Variants in STK38 observed in about 807,000 individuals in gnomAD.
STK38 encodes serine/threonine kinase 38, also known as serine/threonine-protein kinase 38.
Under a neutral mutation model 59.0 loss-of-function variants are expected in STK38, and 26 were observed. The observed-to-expected ratio is 0.44, with a 90% CI of 0.32 to 0.61. STK38 has a LOEUF of 0.61. STK38 is among the 20% of genes least tolerant of loss of function. The pLI is 0.04. For synonymous variants in STK38, 175 were observed against 176.6 expected (o/e 0.99, Z 0.07); for missense variants, 433 against 566.0 (o/e 0.76, Z 2.38).
Position 36,495,699 on chromosome 6 carries a change from C to T in STK38, c.*85G>A. The T allele has an allele frequency of 1.3e-6, 2 of 1,569,036 alleles. No individual in the cohort carries two copies. Among genetic ancestry groups the T allele is most frequent in the Non-Finnish European group, 1.7e-6 (2 of 1,151,170 alleles). Reference sequence around the variant, plus strand: ...ACATATTGGTGGGTTCCATCAACTTCTTGGAAGCTCTTCAAGAGTGTGAGA... The same window carrying T: ...ACATATTGGTGGGTTCCATCAACTTTTTGGAAGCTCTTCAAGAGTGTGAGA... On this transcript the variant is annotated 3_prime_UTR_variant, in exon 14 of 14. Transcript: ENST00000229812.
chr6:36,500,758 CAA>C (rs753008721), intron 9 of STK38, among the ~76,000 whole-genome samples: 618 of 58,416 alleles, frequency 0.011, 6 homozygotes, highest in African/African-American at 0.037. Flanking sequence ...GACTCTGTCT[CAA>C]AAAAAAAAAA....
chr6:36,542,677 G>T (rs1389832716), intron 1 of STK38, among the ~76,000 whole-genome samples: 1 of 151,812 alleles, frequency 6.6e-6, no homozygotes, highest in Non-Finnish European at 1.5e-5. Context: ...GAGCGCGGTG[G>T]CTCACGCCTG....
intron 2 of STK38, among the ~76,000 whole-genome samples, chr6:36,532,579 C>G (rs1335355625): frequency 6.6e-6 from 1 of 152,002 alleles, no homozygotes; most frequent in Non-Finnish European, 1.5e-5. Flanking sequence ...AACTCAAGAC[C>G]AGCCTGGCCA....
chr6:36,495,573 T>C lies in STK38; in HGVS notation c.*211A>G. On this transcript the variant is annotated 3_prime_UTR_variant, in exon 14 of 14. Coordinates refer to ENST00000229812, the MANE Select transcript of STK38 (RefSeq NM_007271.4). ...TCTCTTCCAAAGCAGGATAGCTGTTTATGGCCGACGTAGTAGAAATGGTTG... is the reference window on the plus strand; with the variant it reads ...TCTCTTCCAAAGCAGGATAGCTGTTCATGGCCGACGTAGTAGAAATGGTTG... 1 of 536,176 alleles carries C rather than the reference T, an allele frequency of 1.9e-6. No individual in the cohort carries two copies. The highest frequency in any genetic ancestry group is 2.5e-5 in the South Asian group (1 of 40,550). 33.2% of individuals were successfully genotyped at this position (536,176 alleles called of 1,614,324 possible). A position where few individuals can be genotyped will look rare whatever the true frequency, so the allele number is the denominator to read the frequency against.
chr6:36,513,967 A>C (rs1478661580), intron 7 of STK38, among the ~76,000 whole-genome samples: 5 of 151,508 alleles, frequency 3.3e-5, no homozygotes, highest in Non-Finnish European at 7.4e-5. Flanking sequence ...CATCATGGCT[A>C]ACACCGTGAA....
At chr6:36,514,096 A>C (rs1037310415) in intron 7 of STK38, among the ~76,000 whole-genome samples, 10 of 147,074 alleles carry the variant, frequency 6.8e-5, no homozygotes, top group Admixed American at 2.1e-4. Flanking sequence ...CAGAGCTTGC[A>C]GTGAGCCGAG....
chr6:36,509,872 G>C (rs892627485), intron 7 of STK38, among the ~76,000 whole-genome samples: 2 of 152,220 alleles, frequency 1.3e-5, no homozygotes, highest in Admixed American at 1.3e-4. Flanking sequence ...TAGGAGACCC[G>C]GAGTAGATAG....
chr6:36,521,726 T>G lies in STK38; in HGVS notation c.390+8A>C. On this transcript the variant is annotated splice_region_variant and intron_variant, in intron 5 of 13. Coordinates refer to ENST00000229812, the MANE Select transcript of STK38 (RefSeq NM_007271.4). ...TAAGCTAAAAGCACTGCTACAACTGTGCTTTACCTGCTCTTTTTCAAGCAT... is the reference window on the plus strand; with the variant it reads ...TAAGCTAAAAGCACTGCTACAACTGGGCTTTACCTGCTCTTTTTCAAGCAT... 6.2e-7 allele frequency: 1 copy of G among 1,605,374 alleles called. No individual in the cohort carries two copies. The highest frequency in any genetic ancestry group is 1.7e-4 in the Middle Eastern group (1 of 6,042).
At chr6:36,528,576 T>G (rs1203391497) in intron 2 of STK38, among the ~76,000 whole-genome samples, 1 of 152,214 alleles carries the variant, frequency 6.6e-6, no homozygotes, top group Non-Finnish European at 1.5e-5. Context: ...TTGGGATACA[T>G]GTGCATCTAT....
At chr6:36,518,575 C>T (rs897216833) in intron 5 of STK38, among the ~76,000 whole-genome samples, 2 of 152,030 alleles carry the variant, frequency 1.3e-5, no homozygotes, top group African/African-American at 2.4e-5. Context: ...TTTTTTAAAA[C>T]AAGATGGGGT....
intron 1 of STK38, among the ~76,000 whole-genome samples, chr6:36,546,661 C>T (rs1042687334): frequency 2.0e-5 from 3 of 152,190 alleles, no homozygotes; most frequent in African/African-American, 7.2e-5. Flanking sequence ...CCACTCTCTT[C>T]TTAAGAATTT....
intron 2 of STK38, among the ~76,000 whole-genome samples, chr6:36,533,654 C>T (rs1777722747): frequency 6.6e-6 from 1 of 152,106 alleles, no homozygotes. Context: ...TCCTGCAGAA[C>T]GTGATACATA....
intron 7 of STK38, among the ~76,000 whole-genome samples, chr6:36,512,963 G>GT (rs1777149152): frequency 1.3e-5 from 2 of 151,728 alleles, no homozygotes; most frequent in Admixed American, 1.3e-4. Context: ...CCTGGCCAGC[G>GT]TAATTTTTCT....
At chr6:36,530,864 A>G (rs1212602860) in intron 2 of STK38, among the ~76,000 whole-genome samples, 1 of 150,700 alleles carries the variant, frequency 6.6e-6, no homozygotes, top group African/African-American at 2.4e-5. Context: ...TAATTTTTGT[A>G]CTTTTAGTAG....
chr6:36,542,951 A>T (rs1777974379), intron 1 of STK38, among the ~76,000 whole-genome samples: 1 of 152,146 alleles, frequency 6.6e-6, no homozygotes. Context: ...TCTCAAAAAA[A>T]ATAAATAAAT....
intron 3 of STK38, among the ~76,000 whole-genome samples, chr6:36,525,276 G>A (rs957952097): frequency 6.6e-5 from 10 of 152,100 alleles, no homozygotes; most frequent in Non-Finnish European, 1.3e-4. Flanking sequence ...CTACTCCTAC[G>A]GAGACTTTTC....
intron 11 of STK38, 35 bp from the exon 12 acceptor site, chr6:36,497,910 G>C: frequency 1.3e-5 from 17 of 1,277,124 alleles, no homozygotes; most frequent in Non-Finnish European, 1.8e-5. Flanking sequence ...CACATCTCAA[G>C]CAGTCTCCTC....
At chr6:36,503,927 T>C (rs1052348181) in intron 9 of STK38, among the ~76,000 whole-genome samples, 1 of 152,194 alleles carries the variant, frequency 6.6e-6, no homozygotes, top group Non-Finnish European at 1.5e-5. Context: ...CAAACCTTTG[T>C]TGTTTTCCAC....
intron 2 of STK38, among the ~76,000 whole-genome samples, chr6:36,528,347 G>T (rs1299400386): frequency 6.6e-6 from 1 of 152,172 alleles, no homozygotes. Context: ...AAAGAGGCTA[G>T]TTGAGAGTTA....
Sources: allele counts gnomAD v4.1 joint callset (sites outside exome capture counted in the v4.1 genomes callset), GRCh38; gene constraint gnomAD v4.1.1; transcripts MANE v1.5; gene names NCBI Gene and HGNC (gene_info 2026-07-23, HGNC 2026-07-21).